The following SCEL variants were observed in gnomAD, a reference collection of about 807,000 sequenced individuals.
The protein encoded by SCEL is sciellin.
A neutral mutation model predicts 117.6 loss-of-function variants in SCEL; 113 were observed. The ratio of observed to expected loss-of-function variants is 0.96; its 90% CI spans 0.83 to 1.12. The LOEUF is 1.12. SCEL is among the 50% of genes most tolerant of loss of function. The pLI, the probability that SCEL is intolerant of heterozygous loss-of-function variation, is 0.00. For missense variants in SCEL, 785 were observed against 810.8 expected (o/e 0.97, Z 0.39); for synonymous variants, 270 against 256.2 (o/e 1.05, Z -0.51).
At chr13:77,614,615 C>T (rs1011613406) in intron 24 of SCEL, among the ~76,000 whole-genome samples, 1 of 151,876 alleles carries the variant, frequency 6.6e-6, no homozygotes, top group East Asian at 1.9e-4. Flanking sequence ...TTTGTTGGTA[C>T]GTATACAAAT....
intron 5 of SCEL, among the ~76,000 whole-genome samples, chr13:77,566,354 T>C (rs2085287550): frequency 6.6e-6 from 1 of 152,104 alleles, no homozygotes; most frequent in South Asian, 2.1e-4. Context: ...AGGGATGTTC[T>C]AGAGAGTAGA....
chr13:77,620,069 T>A (rs1042426206), intron 27 of SCEL, among the ~76,000 whole-genome samples: 106 of 152,290 alleles, frequency 7.0e-4, no homozygotes, highest in African/African-American at 2.5e-3. Context: ...TATAAAAAAA[T>A]TTAAAAATAT....
At chr13:77,643,034 C>A (rs1159549790) in intron 32 of SCEL, among the ~76,000 whole-genome samples, 1 of 151,930 alleles carries the variant, frequency 6.6e-6, no homozygotes, top group Non-Finnish European at 1.5e-5. Flanking sequence ...ACAACTAAAC[C>A]AAAGGGTCAT....
intron 10 of SCEL, among the ~76,000 whole-genome samples, chr13:77,590,747 G>C (rs1197817635): frequency 6.6e-6 from 1 of 152,022 alleles, no homozygotes; most frequent in Non-Finnish European, 1.5e-5. Flanking sequence ...TGAAATGGAA[G>C]TGTTTCCTAT....
chr13:77,579,134 G>A (rs2086123027), intron 9 of SCEL, among the ~76,000 whole-genome samples: 1 of 152,140 alleles, frequency 6.6e-6, no homozygotes, highest in Admixed American at 6.5e-5. Context: ...CCTTCAAGAA[G>A]TCTGGCATGA....
At chr13:77,617,927 A>T in intron 26 of SCEL, 65 bp downstream of exon 26, 2 of 1,577,044 alleles carry the variant, frequency 1.3e-6, no homozygotes, top group Non-Finnish European at 1.7e-6. Context: ...GTGGATTTAT[A>T]ATGTTGCTTT....
chr13:77,548,777 G>A (rs1199324858), intron 1 of SCEL, among the ~76,000 whole-genome samples: 1 of 152,194 alleles, frequency 6.6e-6, no homozygotes, highest in African/African-American at 2.4e-5. Flanking sequence ...CTGCCCTCAT[G>A]TAAGATGTGA....
At chr13:77,618,503 C>CTCCTTTCT (rs2089229215) in intron 27 of SCEL, among the ~76,000 whole-genome samples, 1 of 151,902 alleles carries the variant, frequency 6.6e-6, no homozygotes, top group Admixed American at 6.6e-5. Flanking sequence ...TTCTTCTTTT[C>CTCCTTTCT]TCCTTTCTTC....
chr13:77,642,905 AC>A, intron 32 of SCEL, 97 bp downstream of exon 32: 1 of 606,998 alleles, frequency 1.6e-6, no homozygotes, highest in Non-Finnish European at 2.8e-6. Context: ...AAAACATTTT[AC>A]TAGTTATATT....
At chr13:77,608,327 C>T (rs7999190) in intron 20 of SCEL, among the ~76,000 whole-genome samples, 26,526 of 152,136 alleles carry the variant, frequency 0.17, 2,628 homozygotes, top group African/African-American at 0.25. Flanking sequence ...TGGCCGGGTA[C>T]GGTGGCTCAC....
At chr13:77,633,064 T>C (rs1157071020) in intron 28 of SCEL, among the ~76,000 whole-genome samples, 2 of 152,238 alleles carry the variant, frequency 1.3e-5, no homozygotes, top group African/African-American at 4.8e-5. Flanking sequence ...CTATAGATTA[T>C]TCTTAAAGGT....
intron 29 of SCEL, 133 bp from the exon 30 acceptor site, chr13:77,636,987 A>G: frequency 2.1e-6 from 1 of 465,488 alleles, no homozygotes; most frequent in South Asian, 2.2e-5. Context: ...AAAATGTGTC[A>G]GTACATCATC....
intron 16 of SCEL, 78 bp from the exon 17 acceptor site, chr13:77,602,576 G>A (rs2087785436): frequency 4.8e-6 from 6 of 1,246,026 alleles, no homozygotes; most frequent in Non-Finnish European, 5.9e-6. Context: ...ACCACATTCA[G>A]GGACATTCTT....
chr13:77,634,136 G>A (rs1225351453), intron 28 of SCEL, among the ~76,000 whole-genome samples: 1 of 152,208 alleles, frequency 6.6e-6, no homozygotes, highest in African/African-American at 2.4e-5. Flanking sequence ...AAGAATTACT[G>A]AGTGATCAAG....
At chr13:77,591,988 C>T (rs539259161) in intron 11 of SCEL, among the ~76,000 whole-genome samples, 17 of 152,078 alleles carry the variant, frequency 1.1e-4, no homozygotes, top group Admixed American at 6.5e-5. Context: ...CCTATTTAGT[C>T]TAGCATTTGT....
chr13:77,610,001 C>T (rs776321736), intron 21 of SCEL, 46 bp from the exon 22 acceptor site: 5 of 1,263,336 alleles, frequency 4.0e-6, no homozygotes, highest in South Asian at 4.0e-5. Flanking sequence ...CACTTGAAAC[C>T]ATTCGATTTA....
intron 22 of SCEL, among the ~76,000 whole-genome samples, chr13:77,611,208 G>A (rs1053899865): frequency 1.3e-5 from 2 of 152,318 alleles, no homozygotes; most frequent in Admixed American, 1.3e-4. Context: ...TGCCAATAGT[G>A]TGAAAGCAGC....
chr13:77,552,376 T>A (rs1257818693), intron 1 of SCEL, among the ~76,000 whole-genome samples: 3 of 152,008 alleles, frequency 2.0e-5, no homozygotes, highest in African/African-American at 7.3e-5. Context: ...GACTTTTTAA[T>A]GATTGCCATT....
chr13:77,610,127 T>C, intron 22 of SCEL, 21 bp downstream of exon 22: 1 of 1,562,752 alleles, frequency 6.4e-7, no homozygotes, highest in Middle Eastern at 1.7e-4. Flanking sequence ...TGGAACTCTC[T>C]ATTTCTCCCC....
Sources: allele counts gnomAD v4.1 joint callset (sites outside exome capture counted in the v4.1 genomes callset), GRCh38; gene constraint gnomAD v4.1.1; transcripts MANE v1.5; gene names NCBI Gene and HGNC (gene_info 2026-07-23, HGNC 2026-07-21).